The following SETD5 variants were observed in gnomAD, a reference collection of about 807,000 sequenced individuals.
The protein encoded by SETD5 is histone-lysine N-methyltransferase SETD5.
A neutral mutation model predicts 153.3 loss-of-function variants in SETD5; 44 were observed. That is an observed-to-expected ratio of 0.29 (90% CI 0.23 to 0.37). The LOEUF (loss-of-function observed/expected upper bound fraction) is 0.37, where lower values mean the gene tolerates loss of function less well. SETD5 is among the 10% of genes least tolerant of loss of function. SETD5 has a pLI of 1.00. For synonymous variants in SETD5, 716 were observed against 645.2 expected, an observed-to-expected ratio of 1.11 and a Z score of -1.66; for missense variants, 1,544 against 1,768.0, an observed-to-expected ratio of 0.87 and a Z score of 2.27.
chr3:9,464,533 G>C lies in SETD5; in HGVS notation c.2585G>C (p.Gly862Ala). ...GTCACACCACCCCCTCCCAATTCAG[G>C]CTCAAAGAGTCCCCAGCTGGCCACA... ...SPVTPPPPNS[G>A]SKSPQLATPG... Residue 862 changes from glycine to alanine, a missense_variant, in exon 18 of 23, where the codon GGC (glycine) becomes GCC (alanine). Gly to Ala is a moderately conservative substitution (Grantham distance 60). This residue lies in a region of SETD5 where 782 missense variants were observed against 787.2 expected (regional missense o/e 0.99). Coordinates refer to ENST00000402198, the MANE Select transcript of SETD5 (RefSeq NM_001080517.3). The C allele has an allele frequency of 6.2e-7, 1 of 1,613,872 alleles. No individual in the cohort carries two copies. Among genetic ancestry groups the C allele is most frequent in the Non-Finnish European group, 8.5e-7 (1 of 1,179,870 alleles).
In SETD5 at chr3:9,434,801, T is replaced by C. The variant is rs774134658; in HGVS notation, c.330-23T>C. 2 of 1,607,758 alleles carry C rather than the reference T, an allele frequency of 1.2e-6. No homozygotes were observed. Among genetic ancestry groups the C allele is most frequent in the Non-Finnish European group, 1.7e-6 (2 of 1,177,232 alleles). ...GATGCATGCTGTTGGAAGGACTACT[T>C]TAAGTTTATTTTCCCTCTTTAGGGG... On this transcript the variant is annotated intron_variant, in intron 5 of 22. Transcript: ENST00000402198. This position sits in a 1 kb window ranked among gnomAD's most constrained non-coding sequence, Gnocchi z 5.6.
intron 1 of SETD5, among the ~76,000 whole-genome samples, chr3:9,402,886 C>T (rs1188068051): frequency 3.3e-5 from 5 of 152,204 alleles, no homozygotes; most frequent in African/African-American, 1.2e-4. Context: ...CCAGAGACCT[C>T]TGCAGCAGGA....
intron 1 of SETD5, among the ~76,000 whole-genome samples, chr3:9,407,766 C>T (rs2035936009): frequency 6.6e-6 from 1 of 152,060 alleles, no homozygotes; most frequent in Non-Finnish European, 1.5e-5. Flanking sequence ...TTTGGGATGC[C>T]AAGGTGGGCA....
At position 9,474,471 on chromosome 3, in the gene SETD5, C is replaced by A; in HGVS notation, c.3520C>A (p.Arg1174=). The change falls in exon 21 of 23, where the codon CGA becomes AGA. Residue 1174 remains arginine, a synonymous_variant. Transcript: ENST00000402198. ...CAGGATGGTTCCCACATCAGTAGAA[C>A]GACTCCGAGAAGGAGGGAGCATCCC... ...SRWMVPTSVE[R]LREGGSIPKV... 6.2e-7 allele frequency: 1 copy of A among 1,613,870 alleles called. No homozygotes were observed. The highest frequency in any genetic ancestry group is 8.5e-7 in the Non-Finnish European group (1 of 1,179,832).
At chr3:9,463,120 A>G (rs1247080240) in intron 17 of SETD5, among the ~76,000 whole-genome samples, 1 of 152,170 alleles carries the variant, frequency 6.6e-6, no homozygotes, top group Admixed American at 6.5e-5. Context: ...CCTGGGTTCA[A>G]GTGATTCTTG....
In SETD5 at chr3:9,447,489, C is replaced by T. The variant is rs140194082; in HGVS notation, c.1782+182C>T. Among the ~76,000 whole-genome samples, 85 of 152,160 alleles carry T rather than the reference C, an allele frequency of 5.6e-4. 1 individual carries two copies. The East Asian group carries it at 0.015, about 26-fold the overall frequency. Reference sequence around the variant, plus strand: ...TTTTATAAATGCTTATTAGAAATAACGCAAACATTTGTCGCTAGCCTCTTT... The same window carrying T: ...TTTTATAAATGCTTATTAGAAATAATGCAAACATTTGTCGCTAGCCTCTTT... On this transcript the variant is annotated intron_variant, in intron 14 of 22. Transcript: ENST00000402198.
Position 9,434,905 on chromosome 3 carries a change from C to G in SETD5, c.388+23C>G. The stretch of plus-strand genomic sequence containing the variant: ...CAGGTGAGCGGAAGATGGGTTAGGT[C>G]CACAATTTGACATAAAAATATTCTG... On this transcript the variant is annotated intron_variant, in intron 6 of 22. Transcript: ENST00000402198. The surrounding 1 kb of genome is among the most constrained non-coding windows in gnomAD (Gnocchi z 5.6). The G allele has an allele frequency of 6.2e-7, 1 of 1,608,182 alleles. No individual in the cohort carries two copies. The highest frequency in any genetic ancestry group is 8.5e-7 in the Non-Finnish European group (1 of 1,177,404).
intron 3 of SETD5, chr3:9,430,423 TTTC>T (rs1461055753): frequency 6.0e-6 from 5 of 834,768 alleles, no homozygotes; most frequent in East Asian, 1.2e-4. Context: ...CTAGAGCTTT[TTTC>T]TTCTTTTGTT....
chr3:9,401,066 ACT>A (rs1283351145), intron 1 of SETD5, among the ~76,000 whole-genome samples: 96 of 152,290 alleles, frequency 6.3e-4, no homozygotes, highest in African/African-American at 2.2e-3. Flanking sequence ...TTGTAGTATC[ACT>A]CTGGCATTTG....
At chr3:9,406,806 T>G (rs1559347031) in intron 1 of SETD5, among the ~76,000 whole-genome samples, 1 of 152,182 alleles carries the variant, frequency 6.6e-6, no homozygotes, top group African/African-American at 2.4e-5. Context: ...GAGCTAAAAA[T>G]TATAATGTCT....
At position 9,470,605 on chromosome 3, in the gene SETD5, T is replaced by C; in HGVS notation, c.2871T>C (p.Gly957=). ...HPSLGPTSET[G]FPSRSGDGHQ... ...CCCTCGGACCCACTTCTGAGACTGG[T>C]TTCCCAAGCAGAAGTGGAGATGGAC... Residue 957 remains glycine (G), a synonymous_variant, in exon 19 of 23, where the codon GGT becomes GGC. Coordinates refer to ENST00000402198, the MANE Select transcript of SETD5 (RefSeq NM_001080517.3). The C allele has an allele frequency of 6.2e-7, 1 of 1,613,834 alleles. No individual in the cohort carries two copies.
At chr3:9,451,691 C>A (rs561212940) in intron 16 of SETD5, among the ~76,000 whole-genome samples, 1 of 152,130 alleles carries the variant, frequency 6.6e-6, no homozygotes. Context: ...AGGAGTCTGC[C>A]CACCTTGGCC....
chr3:9,452,473 T>G (rs2042731453), intron 16 of SETD5, among the ~76,000 whole-genome samples: 3 of 152,144 alleles, frequency 2.0e-5, no homozygotes. Flanking sequence ...TCTTCGGATT[T>G]TTTATTTTGT....
In SETD5 at chr3:9,436,970, G is replaced by A. The variant is rs906449737; in HGVS notation, c.567+1064G>A. On this transcript the variant is annotated intron_variant, in intron 7 of 22. Transcript: ENST00000402198. ...GTCAGCTTCTTTCCTGACATTGATG[G>A]TCTGGGAATCTTGGACTCTGCTTTT... The A allele has an allele frequency of 6.9e-6, 9 of 1,296,132 alleles. No homozygotes were observed. In the African/African-American group the frequency reaches 8.9e-5, roughly 13 times the overall value. The allele number at this position is 1,296,132 out of a possible 1,614,324, so 80.3% of individuals were successfully genotyped here.
intron 1 of SETD5, among the ~76,000 whole-genome samples, chr3:9,410,190 T>C (rs1186899865): frequency 6.6e-6 from 1 of 152,218 alleles, no homozygotes; most frequent in Non-Finnish European, 1.5e-5. Context: ...ATGTGACCAC[T>C]GGATACTATA....
intron 7 of SETD5, chr3:9,437,017 A>T: frequency 1.3e-6 from 1 of 773,872 alleles, no homozygotes; most frequent in South Asian, 2.4e-5. Context: ...AGTTGTTGCC[A>T]TTCAGTTTTC....
intron 6 of SETD5, 51 bp from the exon 7 acceptor site, chr3:9,435,677 A>G: frequency 6.9e-7 from 1 of 1,456,668 alleles, no homozygotes; most frequent in Non-Finnish European, 9.1e-7. Context: ...GCTACTTTTA[A>G]TGTACTTTTG....
intron 17 of SETD5, among the ~76,000 whole-genome samples, chr3:9,457,040 A>AGAAG (rs200759708): frequency 1.3e-5 from 2 of 152,050 alleles, no homozygotes; most frequent in Non-Finnish European, 2.9e-5. Flanking sequence ...GAAGAAAGAA[A>AGAAG]TACACTAAAT....
intron 1 of SETD5, among the ~76,000 whole-genome samples, chr3:9,407,770 G>T (rs1229024450): frequency 6.6e-6 from 1 of 152,136 alleles, no homozygotes; most frequent in East Asian, 1.9e-4. Context: ...GGATGCCAAG[G>T]TGGGCAGATC....
Sources: allele counts gnomAD v4.1 joint callset (sites outside exome capture counted in the v4.1 genomes callset), GRCh38; gene constraint gnomAD v4.1.1; regional missense constraint gnomAD v4.1.1; non-coding constraint Gnocchi (gnomAD v3.1); transcripts MANE v1.5; gene names NCBI Gene and HGNC (gene_info 2026-07-23, HGNC 2026-07-21).